CCDC154: variants seen among roughly 807,000 people sequenced by gnomAD.
CCDC154 encodes coiled-coil domain-containing protein 154.
Under a neutral mutation model 87.5 loss-of-function variants are expected in CCDC154, and 91 were observed. The ratio of observed to expected loss-of-function variants is 1.04; its 90% confidence interval spans 0.88 to 1.24. CCDC154 has a LOEUF of 1.24. CCDC154 is among the 50% of genes most tolerant of loss of function. The pLI, the probability that CCDC154 is intolerant of heterozygous loss-of-function variation, is 0.00. For missense variants in CCDC154, 903 were observed against 879.2 expected (o/e 1.03, Z -0.34); for synonymous variants, 418 against 400.4 (o/e 1.04, Z -0.52).
intron 6 of CCDC154, among the ~76,000 whole-genome samples, chr16:1,441,128 A>G (rs1479028589): frequency 6.6e-6 from 1 of 152,086 alleles, no homozygotes; most frequent in African/African-American, 2.4e-5. Flanking sequence ...CAAAACAAAA[A>G]ACGAGTGTCG....
intron 11 of CCDC154, chr16:1,437,043 C>G (rs1434562045): frequency 1.4e-5 from 8 of 576,518 alleles, no homozygotes; most frequent in Non-Finnish European, 2.4e-5. Context: ...CTGTTCCGAC[C>G]ACACAGGTGC....
Position 1,438,045 on chromosome 16 carries a change from C to A in CCDC154, c.1152+5G>T. The A allele has an allele frequency of 6.5e-7, 1 of 1,546,940 alleles. No homozygotes were observed. Among genetic ancestry groups the A allele is most frequent in the Non-Finnish European group, 8.7e-7 (1 of 1,144,986 alleles). Reference sequence around the variant, plus strand: ...CGTTGGGGACATGTTGCGCTACCCCCTCACCAGCACCAGCTCTCCATGCAT... The same window carrying A: ...CGTTGGGGACATGTTGCGCTACCCCATCACCAGCACCAGCTCTCCATGCAT... On this transcript the variant is annotated splice_donor_5th_base_variant and intron_variant, in intron 10 of 16. Coordinates refer to ENST00000389176, the MANE Select transcript of CCDC154 (RefSeq NM_001143980.3).
intron 11 of CCDC154, chr16:1,437,574 G>A (rs1320423408): frequency 1.9e-5 from 9 of 483,028 alleles, no homozygotes; most frequent in Admixed American, 1.1e-4. Context: ...GCCGTGGGCC[G>A]AGGCTCCAGC....
chr16:1,443,648 T>C lies in CCDC154; in HGVS notation c.272A>G (p.Gln91Arg). The C allele has an allele frequency of 7.5e-7, 1 of 1,339,680 alleles. No homozygotes were observed. Among genetic ancestry groups the C allele is most frequent in the Non-Finnish European group, 9.7e-7 (1 of 1,029,246 alleles). 83.0% of individuals were successfully genotyped at this position (1,339,680 alleles called of 1,614,324 possible). ...GCTCCGCGTGGCGCGCTCACAGCGC[T>C]GCTTGTGCTCCCGCAGGCAGGCCAC... ...AEVACLREHKQRCERATRSLL... is the reference protein window; with the variant it reads ...AEVACLREHKRRCERATRSLL... The change falls in exon 3 of 17, where the codon CAG becomes CGG. Residue 91 changes from glutamine (Q) to arginine (R), a missense_variant. Gln to Arg is a conservative substitution (Grantham distance 43). Transcript: ENST00000389176.
At chr16:1,442,384 T>C (rs1369279724) in intron 6 of CCDC154, 22 bp downstream of exon 6, 1 of 1,536,224 alleles carries the variant, frequency 6.5e-7, no homozygotes, top group Admixed American at 2.1e-5. Context: ...GCGGCCCCCC[T>C]GAAGCCTGGG....
chr16:1,443,601 C>A lies in CCDC154; in HGVS notation c.319G>T (p.Val107Leu). 1.4e-6 allele frequency: 2 copies of A among 1,444,414 alleles called. No individual in the cohort carries two copies. The highest frequency in any genetic ancestry group is 1.8e-6 in the Non-Finnish European group (2 of 1,093,780). The allele number at this position is 1,444,414 out of a possible 1,614,324, so 89.5% of individuals were successfully genotyped here. ...TRSLLRELLQ[V>L]RARVQLQGSE... ...CCCTGCAGCTGCACGCGGGCCCGCA[C>A]CTGGAGCAGCTCCCGCAGCAGGCTC... Residue 107 changes from valine to leucine, a missense_variant, in exon 3 of 17, where the codon GTG becomes TTG. Val to Leu is a conservative substitution (Grantham distance 32). Transcript: ENST00000389176.
Position 1,443,241 on chromosome 16 carries a change from C to CAT in CCDC154, c.455+19_455+20insAT. The CAT allele has an allele frequency of 1.3e-6, 2 of 1,547,894 alleles. No individual in the cohort carries two copies. Among genetic ancestry groups the CAT allele is most frequent in the South Asian group, 2.4e-5 (2 of 83,936 alleles). On this transcript the variant is annotated intron_variant, in intron 4 of 16. Coordinates refer to ENST00000389176, the MANE Select transcript of CCDC154 (RefSeq NM_001143980.3). ...CACCTCCCCGCCCTGGGCCTGTGCC[C>CAT]CTAGGTGTGTGGGGGGTACCTTTTG... is the stretch of plus-strand genomic sequence containing the variant.
intron 6 of CCDC154, among the ~76,000 whole-genome samples, chr16:1,440,500 G>GAAGAGAAGAGAAGAGAA (rs1567258639): frequency 2.0e-5 from 3 of 147,308 alleles, no homozygotes; most frequent in African/African-American, 7.7e-5. Context: ...ACAGAAAAGA[G>GAAGAGAAGAGAAGAGAA]AAGAGAAGAG....
chr16:1,436,619 A>G, intron 12 of CCDC154, 73 bp downstream of exon 12: 1 of 1,546,578 alleles, frequency 6.5e-7, no homozygotes. Context: ...GGGAGAGGAC[A>G]AGGTGCAGGG....
At chr16:1,443,379 G>A (rs1464015733) in intron 3 of CCDC154, 78 bp from the exon 4 acceptor site, 21 of 1,491,376 alleles carry the variant, frequency 1.4e-5, no homozygotes, top group African/African-American at 7.1e-5. Flanking sequence ...ACCCAGCTCC[G>A]GCACCACTGG....
At chr16:1,440,899 C>G (rs1028588325) in intron 6 of CCDC154, among the ~76,000 whole-genome samples, 8 of 150,358 alleles carry the variant, frequency 5.3e-5, no homozygotes, top group Non-Finnish European at 1.0e-4. Flanking sequence ...TGTAGTGAGC[C>G]GAGATCGTGC....
In CCDC154 at chr16:1,434,408, T is replaced by C. The variant is rs1266882484; in HGVS notation, c.2004A>G (p.Ter668=). 1.3e-6 allele frequency: 2 copies of C among 1,550,288 alleles called. No individual in the cohort carries two copies. The highest frequency in any genetic ancestry group is 2.4e-5 in the East Asian group (1 of 40,914). The part of the protein sequence containing the change: ...QLTPSLFIQK[*] ...TCTAATGAGTACAAAGCCAGCACGT[T>C]TATTTCTGGATAAACAGTGAGGGTG... The change falls in exon 17 of 17, where the codon TAA becomes TAG. Residue 668 remains the stop codon, a stop_retained_variant. Transcript: ENST00000389176.
intron 4 of CCDC154, 77 bp downstream of exon 4, chr16:1,443,184 C>A: frequency 6.7e-7 from 1 of 1,496,032 alleles, no homozygotes; most frequent in Non-Finnish European, 9.0e-7. Flanking sequence ...GATGTGGACC[C>A]CCCACCACAC....
intron 4 of CCDC154, 61 bp from the exon 5 acceptor site, chr16:1,443,036 G>A (rs79206326): frequency 2.0e-6 from 3 of 1,535,872 alleles, no homozygotes; most frequent in Non-Finnish European, 2.6e-6. Flanking sequence ...CGGCGGGCTG[G>A]GGGTCTGGCC....
Position 1,436,545 on chromosome 16 carries a change from G to A in CCDC154, c.1411-24C>T, listed in dbSNP as rs745314448. The A allele has an allele frequency of 3.0e-4, 461 of 1,547,744 alleles. 5 individuals are homozygous for A. The South Asian group carries it at 3.6e-3, about 12-fold the overall frequency. ...ATCTGAACACAGAGCCGGGAGCGGC[G>A]GGCAGCCCCAGGGCGCCATCTAGGA... On this transcript the variant is annotated intron_variant, in intron 12 of 16. Transcript: ENST00000389176.
In CCDC154 at chr16:1,438,105, GC is replaced by G; in HGVS notation, c.1096del (p.Ala366ProfsTer38). The G allele has an allele frequency of 3.2e-6, 5 of 1,548,784 alleles. No homozygotes were observed. Among genetic ancestry groups the G allele is most frequent in the Non-Finnish European group, 4.4e-6 (5 of 1,146,212 alleles). On this transcript the variant is annotated frameshift_variant, in exon 10 of 17. Coordinates refer to ENST00000389176, the MANE Select transcript of CCDC154 (RefSeq NM_001143980.3). LOFTEE classifies it high-confidence loss of function. ...LAAYVQENLE[A>X]AQLAGELARQ... ...GGCCAGCTCGCCAGCCAGCTGTGCG[GC>G]CTCCAGGTTCTCCTGCACATAGGCG...
intron 4 of CCDC154, 133 bp from the exon 5 acceptor site, chr16:1,443,108 TACAAACCC>T: frequency 7.3e-7 from 1 of 1,368,000 alleles, no homozygotes; most frequent in Non-Finnish European, 1.0e-6. Flanking sequence ...CCCAGGCACG[TACAAACCC>T]GGCCTTTTCT....
intron 12 of CCDC154, 67 bp from the exon 13 acceptor site, chr16:1,436,588 C>A: frequency 6.5e-7 from 1 of 1,546,420 alleles, no homozygotes; most frequent in Non-Finnish European, 8.7e-7. Flanking sequence ...TGGCCTCGAC[C>A]CACACAGGGA....
chr16:1,442,701 C>T (rs182267763), intron 5 of CCDC154, among the ~76,000 whole-genome samples, 172 bp from the exon 6 acceptor site: 16 of 152,364 alleles, frequency 1.1e-4, no homozygotes, highest in Admixed American at 1.0e-3. Context: ...TGCTGCGAGT[C>T]TCTTCCCCAC....
Sources: gnomAD v4.1 joint callset for allele counts (sites outside exome capture counted in the v4.1 genomes callset) on GRCh38, gnomAD v4.1.1 for gene constraint, MANE v1.5 for transcripts, NCBI Gene and HGNC (gene_info 2026-07-23, HGNC 2026-07-21) for gene names.